Variants in TRPC1 observed in about 807,000 individuals in gnomAD.
TRPC1 encodes the protein short transient receptor potential channel 1.
In TRPC1, 42 loss-of-function variants were observed where a neutral mutation model predicts 88.2. The ratio of observed to expected loss-of-function variants is 0.48; its 90% CI spans 0.37 to 0.62. The LOEUF (loss-of-function observed/expected upper bound fraction) is 0.62, where lower values mean the gene tolerates loss of function less well. Among genes scored for constraint, TRPC1 ranks in the 20% least tolerant of loss-of-function variants. The probability of loss-of-function intolerance (pLI) is 0.00; values close to 1 mark genes in which losing one functional copy is unlikely to be tolerated. For missense variants in TRPC1, 699 were observed against 957.3 expected (o/e 0.73, Z 3.56); for synonymous variants, 288 against 331.8 (o/e 0.87, Z 1.43).
At chr3:142,739,062 C>T (rs1420046918) in intron 2 of TRPC1, among the ~76,000 whole-genome samples, 2 of 152,152 alleles carry the variant, frequency 1.3e-5, no homozygotes, top group African/African-American at 2.4e-5. Flanking sequence ...ACCTCTGCCT[C>T]CTGGGTTCAA....
chr3:142,724,643 G>C lies in TRPC1; in HGVS notation c.84G>C (p.Pro28=), dbSNP rs1933591141. ...CTTCCTCTCCATCCTCTTCCTCGCC[G>C]AACGAGGTGATGGCGCTGAAGGATG... The part of the protein sequence containing the change: ...SLPSSPSSSS[P]NEVMALKDVR... Residue 28 remains proline, a synonymous_variant, in exon 1 of 13, where the codon CCG becomes CCC. Coordinates refer to ENST00000476941, the MANE Select transcript of TRPC1 (RefSeq NM_001251845.2). The surrounding 1 kb of genome is among the most constrained non-coding windows in gnomAD (Gnocchi z 5.6). The C allele has an allele frequency of 2.5e-6, 4 of 1,612,910 alleles. No individual in the cohort carries two copies. The East Asian group carries it at 6.7e-5, about 27-fold the overall frequency.
At chr3:142,728,950 A>G (rs1035667987) in intron 1 of TRPC1, among the ~76,000 whole-genome samples, 9 of 152,134 alleles carry the variant, frequency 5.9e-5, no homozygotes, top group Non-Finnish European at 1.3e-4. Flanking sequence ...TGTGAGGAAA[A>G]AACTTTGCAG....
chr3:142,777,074 G>A (rs1274208709), intron 4 of TRPC1, among the ~76,000 whole-genome samples: 3 of 152,136 alleles, frequency 2.0e-5, no homozygotes, highest in Non-Finnish European at 4.4e-5. Context: ...CACTTTGGGA[G>A]GCCAAGATGG....
intron 6 of TRPC1, among the ~76,000 whole-genome samples, chr3:142,783,098 G>A (rs1435060702): frequency 6.6e-6 from 1 of 152,316 alleles, no homozygotes; most frequent in East Asian, 1.9e-4. Context: ...TGGGAAGAAA[G>A]CGTGTCCATC....
intron 2 of TRPC1, among the ~76,000 whole-genome samples, chr3:142,737,168 T>A (rs997829866): frequency 6.6e-6 from 1 of 151,968 alleles, no homozygotes; most frequent in Non-Finnish European, 1.5e-5. Context: ...AATATTTTCC[T>A]TTCCTTTTTG....
intron 3 of TRPC1, among the ~76,000 whole-genome samples, chr3:142,745,655 AAAAG>A (rs1296171532): frequency 6.6e-6 from 1 of 152,198 alleles, no homozygotes; most frequent in Non-Finnish European, 1.5e-5. Context: ...ACAAAAAAGA[AAAAG>A]AAAAGAACAC....
intron 4 of TRPC1, among the ~76,000 whole-genome samples, chr3:142,756,112 T>C (rs1255247077): frequency 6.6e-6 from 1 of 152,234 alleles, no homozygotes; most frequent in Non-Finnish European, 1.5e-5. Context: ...TGTTGAGCAG[T>C]ATTCCATTGT....
At chr3:142,775,844 T>C (rs1935751157) in intron 4 of TRPC1, among the ~76,000 whole-genome samples, 1 of 152,210 alleles carries the variant, frequency 6.6e-6, no homozygotes, top group Middle Eastern at 3.2e-3. Flanking sequence ...AAAATCCTAT[T>C]TTCTGTTAGA....
At chr3:142,793,503 A>T (rs1936359185) in intron 9 of TRPC1, among the ~76,000 whole-genome samples, 1 of 152,038 alleles carries the variant, frequency 6.6e-6, no homozygotes. Flanking sequence ...ATATTTTATA[A>T]TACTTTATAG....
Position 142,777,767 on chromosome 3 carries a change from G to A in TRPC1, c.764+4G>A. The A allele has an allele frequency of 6.2e-7, 1 of 1,602,782 alleles. No homozygotes were observed. Among genetic ancestry groups the A allele is most frequent in the Non-Finnish European group, 8.5e-7 (1 of 1,174,850 alleles). On this transcript the variant is annotated splice_donor_region_variant and intron_variant, in intron 5 of 12. Coordinates refer to ENST00000476941, the MANE Select transcript of TRPC1 (RefSeq NM_001251845.2). ...GTCTTGTGGAGGTGGAATTCAGGTG[G>A]GAATGAATGCAAATTATATAATGTA...
intron 4 of TRPC1, among the ~76,000 whole-genome samples, chr3:142,759,659 C>A (rs1935111261): frequency 6.6e-6 from 1 of 152,142 alleles, no homozygotes; most frequent in Non-Finnish European, 1.5e-5. Context: ...GTTGTAGTTT[C>A]TTTTGCTGTG....
chr3:142,786,862 T>G (rs1385320638), intron 7 of TRPC1, among the ~76,000 whole-genome samples: 1 of 152,228 alleles, frequency 6.6e-6, no homozygotes, highest in Non-Finnish European at 1.5e-5. Context: ...TGTGTTTTGT[T>G]AGATTTAGTT....
At chr3:142,775,726 A>C (rs1298828297) in intron 4 of TRPC1, among the ~76,000 whole-genome samples, 3 of 152,256 alleles carry the variant, frequency 2.0e-5, no homozygotes, top group African/African-American at 7.2e-5. Flanking sequence ...ATTACAAAAA[A>C]TGGGCCAAAG....
At chr3:142,769,652 G>A (rs987769128) in intron 4 of TRPC1, among the ~76,000 whole-genome samples, 1 of 152,060 alleles carries the variant, frequency 6.6e-6, no homozygotes, top group Non-Finnish European at 1.5e-5. Context: ...TTAAGAGTGT[G>A]TTGTTAATTT....
intron 4 of TRPC1, among the ~76,000 whole-genome samples, chr3:142,761,501 T>C (rs1935183077): frequency 6.6e-6 from 1 of 152,364 alleles, no homozygotes; most frequent in African/African-American, 2.4e-5. Flanking sequence ...TCATATTATA[T>C]CAATATATCA....
At chr3:142,726,296 G>A (rs1172904560) in intron 1 of TRPC1, among the ~76,000 whole-genome samples, 2 of 152,172 alleles carry the variant, frequency 1.3e-5, no homozygotes, top group African/African-American at 4.8e-5. Flanking sequence ...AATATCAGTG[G>A]AATATGGTTG....
intron 3 of TRPC1, among the ~76,000 whole-genome samples, chr3:142,743,970 A>G (rs1934445447): frequency 6.6e-6 from 1 of 152,156 alleles, no homozygotes; most frequent in African/African-American, 2.4e-5. Context: ...TTATGTGCAT[A>G]AAAGCAATGG....
chr3:142,764,321 G>A (rs1305708956), intron 4 of TRPC1, among the ~76,000 whole-genome samples: 1 of 151,972 alleles, frequency 6.6e-6, no homozygotes, highest in Non-Finnish European at 1.5e-5. Flanking sequence ...ATTATTCTGT[G>A]TTTGTCTGTA....
chr3:142,773,637 A>G (rs534438845), intron 4 of TRPC1, among the ~76,000 whole-genome samples: 1 of 119,000 alleles, frequency 8.4e-6, no homozygotes, highest in African/African-American at 3.3e-5. Flanking sequence ...ATTTCTTTGC[A>G]TGTCCCTTAA....
Sources: gnomAD v4.1 joint callset for allele counts (sites outside exome capture counted in the v4.1 genomes callset) on GRCh38, gnomAD v4.1.1 for gene constraint, Gnocchi (gnomAD v3.1) non-coding constraint, MANE v1.5 for transcripts, NCBI Gene and HGNC (gene_info 2026-07-23, HGNC 2026-07-21) for gene names.